Variants in FHOD3 observed in about 807,000 individuals in gnomAD.
FHOD3 encodes FH1/FH2 domain-containing protein 3.
In FHOD3, 90 loss-of-function variants were observed where a neutral mutation model predicts 173.0. The ratio of observed to expected loss-of-function variants is 0.52; its 90% CI spans 0.44 to 0.62. The LOEUF (loss-of-function observed/expected upper bound fraction) is 0.62. Among genes scored for constraint, FHOD3 ranks in the 20% least tolerant of loss-of-function variants. The pLI is 0.00. For missense variants in FHOD3, 1,945 were observed against 2,034.7 expected, an observed-to-expected ratio of 0.96 and a Z score of 0.85; for synonymous variants, 828 against 823.0, an observed-to-expected ratio of 1.01 and a Z score of -0.10.
In FHOD3 at chr18:36,577,087, T is replaced by C. The variant is rs76675265; in HGVS notation, c.606+542T>C. 6.6e-4 allele frequency among the ~76,000 whole-genome samples: 98 copies of C among 148,138 alleles called. 2 individuals are homozygous for C. In the East Asian group the frequency reaches 0.016, roughly 24 times the overall value. On this transcript the variant is annotated intron_variant, in intron 6 of 28. Coordinates refer to ENST00000590592, the MANE Select transcript of FHOD3 (RefSeq NM_001281740.3). ...CAGCCTGGGTGATGGAGCAAGACTC[T>C]GTCTCAAAAAAAAAAAAAAGTTATA...
At chr18:36,472,323 G>A (rs1362565596) in intron 3 of FHOD3, among the ~76,000 whole-genome samples, 1 of 152,156 alleles carries the variant, frequency 6.6e-6, no homozygotes, top group African/African-American at 2.4e-5. Flanking sequence ...TGTCATCCCT[G>A]TTTTATGGAT....
intron 8 of FHOD3, among the ~76,000 whole-genome samples, chr18:36,610,474 C>T (rs1055966648): frequency 6.6e-6 from 1 of 152,172 alleles, no homozygotes; most frequent in Admixed American, 6.5e-5. Flanking sequence ...CGTGGCGTGG[C>T]GGCCCAAGTG....
chr18:36,392,332 A>C (rs1220194406), intron 3 of FHOD3, among the ~76,000 whole-genome samples: 2 of 152,194 alleles, frequency 1.3e-5, no homozygotes, highest in African/African-American at 4.8e-5. Flanking sequence ...TATATGAATA[A>C]TAAGGCCAGC....
intron 7 of FHOD3, among the ~76,000 whole-genome samples, chr18:36,600,136 G>A (rs1024809208): frequency 1.3e-5 from 2 of 152,130 alleles, no homozygotes; most frequent in Non-Finnish European, 2.9e-5. Context: ...AGGAGCTCCA[G>A]ATGAGCTTCC....
chr18:36,496,928 A>G (rs2054777051), intron 3 of FHOD3, among the ~76,000 whole-genome samples: 1 of 152,222 alleles, frequency 6.6e-6, no homozygotes, highest in African/African-American at 2.4e-5. Context: ...TACCATAGGG[A>G]ATTAAAAAGA....
At chr18:36,560,809 G>GT (rs1158794571) in intron 5 of FHOD3, among the ~76,000 whole-genome samples, 1 of 144,702 alleles carries the variant, frequency 6.9e-6, no homozygotes, top group Non-Finnish European at 1.5e-5. Flanking sequence ...CTTTGTGTGT[G>GT]TGTGTAAAGA....
At chr18:36,617,567 G>A (rs1320525452) in intron 9 of FHOD3, among the ~76,000 whole-genome samples, 1 of 141,486 alleles carries the variant, frequency 7.1e-6, no homozygotes, top group Non-Finnish European at 1.5e-5. Context: ...GCTACTACGA[G>A]AGTTCTTGTA....
At chr18:36,398,136 A>G (rs1305896167) in intron 3 of FHOD3, among the ~76,000 whole-genome samples, 1 of 152,224 alleles carries the variant, frequency 6.6e-6, no homozygotes, top group African/African-American at 2.4e-5. Context: ...CTTGAACACA[A>G]ACGTGAATAA....
intron 15 of FHOD3, among the ~76,000 whole-genome samples, chr18:36,681,828 C>T (rs1353347722): frequency 6.6e-6 from 1 of 152,114 alleles, no homozygotes; most frequent in Non-Finnish European, 1.5e-5. Flanking sequence ...CCATTACCTA[C>T]CTCGTCCTAT....
intron 3 of FHOD3, among the ~76,000 whole-genome samples, chr18:36,429,703 A>G (rs900884648): frequency 6.6e-6 from 1 of 152,180 alleles, no homozygotes; most frequent in Non-Finnish European, 1.5e-5. Context: ...TGAGGGCCAG[A>G]AGGAGGAGCA....
intron 1 of FHOD3, among the ~76,000 whole-genome samples, chr18:36,298,577 A>G (rs1373826423): frequency 6.6e-6 from 1 of 152,012 alleles, no homozygotes; most frequent in Non-Finnish European, 1.5e-5. Context: ...ACACTGCGAT[A>G]GCGCTCAGGG....
chr18:36,628,858 C>G (rs116389432), intron 10 of FHOD3, among the ~76,000 whole-genome samples: 218 of 152,278 alleles, frequency 1.4e-3, no homozygotes, highest in African/African-American at 5.0e-3. Context: ...TTCTGTTTAT[C>G]CTGGTTCTTC....
At chr18:36,774,246 G>A (rs753707389) in intron 28 of FHOD3, among the ~76,000 whole-genome samples, 1 of 152,176 alleles carries the variant, frequency 6.6e-6, no homozygotes, top group African/African-American at 2.4e-5. Flanking sequence ...TGCTAATGTA[G>A]CCACAGGTAT....
intron 14 of FHOD3, among the ~76,000 whole-genome samples, chr18:36,671,533 T>C (rs1012812236): frequency 2.0e-5 from 3 of 152,230 alleles, no homozygotes; most frequent in Non-Finnish European, 4.4e-5. Flanking sequence ...TGAAATAGAC[T>C]CCAGTTAGAT....
chr18:36,442,878 A>G (rs968953191), intron 3 of FHOD3, among the ~76,000 whole-genome samples: 1 of 152,162 alleles, frequency 6.6e-6, no homozygotes, highest in Admixed American at 6.5e-5. Context: ...ACGTCTCCCT[A>G]GTCTCTGGTT....
At chr18:36,620,473 C>T (rs912942666) in intron 9 of FHOD3, among the ~76,000 whole-genome samples, 8 of 152,184 alleles carry the variant, frequency 5.3e-5, no homozygotes, top group Non-Finnish European at 1.2e-4. Flanking sequence ...GAGGGTGCTG[C>T]CTTGTGTCCA....
Position 36,297,805 on chromosome 18 carries a change from G to C in FHOD3, c.-31G>C. Reference sequence around the variant, plus strand: ...CCCGGCCCGCGGCCCCGCTAACCCCGGGGCCCGCGCCCCCGCGGCAGGGAT... The same window carrying C: ...CCCGGCCCGCGGCCCCGCTAACCCCCGGGCCCGCGCCCCCGCGGCAGGGAT... On this transcript the variant is annotated 5_prime_UTR_variant, in exon 1 of 29. Transcript: ENST00000590592. 6.7e-7 allele frequency: 1 copy of C among 1,485,000 alleles called. No individual in the cohort carries two copies. Among genetic ancestry groups the C allele is most frequent in the Non-Finnish European group, 9.0e-7 (1 of 1,114,636 alleles). The allele number at this position is 1,485,000 out of a possible 1,614,324, so 92.0% of individuals were successfully genotyped here.
Position 36,779,589 on chromosome 18 carries a change from A to C in FHOD3, c.*59A>C. On this transcript the variant is annotated 3_prime_UTR_variant, in exon 29 of 29. Coordinates refer to ENST00000590592, the MANE Select transcript of FHOD3 (RefSeq NM_001281740.3). ...AGAAGGCAAGCTCTTGCTGGATGAA[A>C]CCCCTCCAGGTGGGGTTGGGGAGAC... 1 of 1,501,896 alleles carries C rather than the reference A, an allele frequency of 6.7e-7. No homozygotes were observed. The highest frequency in any genetic ancestry group is 1.1e-5 in the South Asian group (1 of 88,564). The allele number at this position is 1,501,896 out of a possible 1,614,324, so 93.0% of individuals were successfully genotyped here.
chr18:36,530,796 G>A (rs1351832147), intron 5 of FHOD3, among the ~76,000 whole-genome samples: 2 of 152,134 alleles, frequency 1.3e-5, no homozygotes, highest in African/African-American at 4.8e-5. Flanking sequence ...TTTCCAGCCC[G>A]GGTTAGAACT....
Sources: allele counts gnomAD v4.1 joint callset (sites outside exome capture counted in the v4.1 genomes callset), GRCh38; gene constraint gnomAD v4.1.1; transcripts MANE v1.5; gene names NCBI Gene and HGNC (gene_info 2026-07-23, HGNC 2026-07-21).